Variants in PDIA6 observed in about 807,000 individuals in gnomAD.
PDIA6 encodes the protein protein disulfide-isomerase A6.
PDIA6 carries 29 observed loss-of-function variants against 58.4 expected under a neutral mutation model. The observed-to-expected ratio is 0.50, with a 90% confidence interval of 0.37 to 0.68. PDIA6 has a LOEUF of 0.68. PDIA6 is among the 30% of genes least tolerant of loss of function. The pLI is 0.00. For synonymous variants in PDIA6, 192 were observed against 202.6 expected, an observed-to-expected ratio of 0.95 and a Z score of 0.44; for missense variants, 480 against 551.0, an observed-to-expected ratio of 0.87 and a Z score of 1.29.
intron 10 of PDIA6, among the ~76,000 whole-genome samples, 159 bp downstream of exon 10, chr2:10,788,538 C>T (rs1665884806): frequency 1.3e-5 from 2 of 150,356 alleles, no homozygotes; most frequent in South Asian, 2.1e-4. Context: ...CGCCTATAAT[C>T]CCAGCTACTT....
rs142782761 is a variant in PDIA6 at position 10,806,628 on chromosome 2, C to CAAAGAAAGAAAGAAA, written c.20-3989_20-3988insTTTCTTTCTTTCTTT. On this transcript the variant is annotated intron_variant, in intron 1 of 12. Coordinates refer to ENST00000272227, the MANE Select transcript of PDIA6 (RefSeq NM_005742.4). ...AACCACATCTCCTAAAAAATAAAGA[C>CAAAGAAAGAAAGAAA]AGAAAGAAAGAAAGAAAGAAAAACG... is the stretch of plus-strand genomic sequence containing the variant. Among the ~76,000 whole-genome samples the CAAAGAAAGAAAGAAA allele has an allele frequency of 7.7e-4, 54 of 70,364 alleles. 2 individuals carry two copies. The highest frequency in any genetic ancestry group is 2.1e-3 in the South Asian group (4 of 1,910). The allele number at this position is 70,364 out of a possible 152,430, so 46.2% of individuals were successfully genotyped here. A position where few individuals can be genotyped will look rare whatever the true frequency, so the allele number is the denominator to read the frequency against.
chr2:10,806,120 C>A (rs1017308056), intron 1 of PDIA6, among the ~76,000 whole-genome samples: 1 of 150,498 alleles, frequency 6.6e-6, no homozygotes, highest in African/African-American at 2.4e-5. Flanking sequence ...GTAATCCCAG[C>A]ACTTTGGGAG....
chr2:10,819,743 A>G (rs1667326223), intron 1 of PDIA6, among the ~76,000 whole-genome samples: 1 of 152,122 alleles, frequency 6.6e-6, no homozygotes, highest in African/African-American at 2.4e-5. Flanking sequence ...TAATTCCTTT[A>G]TACACAGTTG....
chr2:10,811,038 T>C (rs1474050067), intron 1 of PDIA6, among the ~76,000 whole-genome samples: 1 of 151,938 alleles, frequency 6.6e-6, no homozygotes, highest in African/African-American at 2.4e-5. Flanking sequence ...CTAGGAGGAG[T>C]CTACAGTCCC....
intron 4 of PDIA6, among the ~76,000 whole-genome samples, chr2:10,793,640 A>C (rs1323089700): frequency 6.6e-6 from 1 of 152,234 alleles, no homozygotes; most frequent in Non-Finnish European, 1.5e-5. Flanking sequence ...CTGGGATCAC[A>C]AGTGTGAGCC....
chr2:10,819,428 A>G, intron 1 of PDIA6: 1 of 873,238 alleles, frequency 1.1e-6, no homozygotes, highest in South Asian at 1.5e-5. Flanking sequence ...ACCATATGCC[A>G]GGCTCCACGT....
chr2:10,829,945 T>C (rs992116141), intron 1 of PDIA6, among the ~76,000 whole-genome samples: 2 of 152,214 alleles, frequency 1.3e-5, no homozygotes, highest in Non-Finnish European at 2.9e-5. Flanking sequence ...TTGTCCTCTG[T>C]GCTCCCGCCA....
intron 2 of PDIA6, among the ~76,000 whole-genome samples, chr2:10,801,799 T>C (rs921521244): frequency 3.9e-5 from 6 of 152,226 alleles, no homozygotes; most frequent in Non-Finnish European, 7.3e-5. Flanking sequence ...TACCCTAAAA[T>C]GTACCCATCA....
In PDIA6 at chr2:10,790,830, T is replaced by C. The variant is rs1276632424; in HGVS notation, c.588A>G (p.Leu196=). ...YAPWCGHCKN[L]EPEWAAAASE... is the part of the protein sequence containing the mutation. ...AAGCTGCGGCAGCCCACTCTGGCTCTAGGCTATAGAAAAATATTCGTTTTG... is the reference window on the plus strand; with the variant it reads ...AAGCTGCGGCAGCCCACTCTGGCTCCAGGCTATAGAAAAATATTCGTTTTG... Residue 196 remains leucine, a synonymous_variant, in exon 7 of 13, where the codon CTA becomes CTG. Transcript: ENST00000272227. 1 of 1,610,878 alleles carries C rather than the reference T, an allele frequency of 6.2e-7. No homozygotes were observed. Among genetic ancestry groups the C allele is most frequent in the East Asian group, 2.2e-5 (1 of 44,872 alleles).
rs139380043 is a variant in PDIA6 at position 10,787,483 on chromosome 2, T to C, written c.999-44A>G. 83 of 1,558,714 alleles carry C rather than the reference T, an allele frequency of 5.3e-5. No homozygotes were observed. In the African/African-American group the frequency reaches 1.1e-3, roughly 20 times the overall value. On this transcript the variant is annotated intron_variant, in intron 10 of 12. Coordinates refer to ENST00000272227, the MANE Select transcript of PDIA6 (RefSeq NM_005742.4). ...TTTTAGGGCAAATATGTCTTTTAAA[T>C]TGCTTACGATCTAACTAGAAGATCT...
Position 10,793,220 on chromosome 2 carries a change from T to TAAGC in PDIA6, c.347-19_347-18insGCTT. ...TCTGCCACCTACAGGAGACGGAAGG[T>TAAGC]AGGCGGTCCTCAGCCCGGCCTTCAG... is the stretch of plus-strand genomic sequence containing the variant. On this transcript the variant is annotated intron_variant, in intron 4 of 12. Transcript: ENST00000272227. 6.3e-7 allele frequency: 1 copy of TAAGC among 1,575,830 alleles called. No homozygotes were observed. The highest frequency in any genetic ancestry group is 8.7e-7 in the Non-Finnish European group (1 of 1,145,624).
chr2:10,788,607 A>C, intron 10 of PDIA6, 90 bp downstream of exon 10: 1 of 867,316 alleles, frequency 1.2e-6, no homozygotes, highest in Non-Finnish European at 1.9e-6. Context: ...AACATAGAAC[A>C]CAGCTTACAA....
intron 4 of PDIA6, among the ~76,000 whole-genome samples, chr2:10,794,402 C>T (rs550312614): frequency 5.4e-5 from 8 of 148,980 alleles, no homozygotes; most frequent in South Asian, 2.1e-4. Flanking sequence ...GCTGACATCG[C>T]GCCACTGCAC....
chr2:10,816,802 T>C (rs894153172), upstream of PDIA6, among the ~76,000 whole-genome samples: 1 of 152,182 alleles, frequency 6.6e-6, no homozygotes, highest in Non-Finnish European at 1.5e-5. Context: ...TCAGAGGACA[T>C]GAATTCAACA....
chr2:10,802,464 C>T, intron 2 of PDIA6, 35 bp downstream of exon 2: 2 of 1,242,452 alleles, frequency 1.6e-6, no homozygotes, highest in Non-Finnish European at 2.1e-6. Context: ...TCAGAAAGTA[C>T]TATAAATAAT....
At chr2:10,791,176 T>C (rs56093996) in intron 6 of PDIA6, among the ~76,000 whole-genome samples, 22,360 of 151,776 alleles carry the variant, frequency 0.15, 2,009 homozygotes, top group Non-Finnish European at 0.21. Flanking sequence ...CAGAGTCTCC[T>C]TCTATTATCC....
intron 1 of PDIA6, among the ~76,000 whole-genome samples, chr2:10,824,915 T>C (rs1197835331): frequency 6.6e-6 from 1 of 152,356 alleles, no homozygotes; most frequent in East Asian, 1.9e-4. Context: ...GTATTGATCC[T>C]GGGTGTGTCT....
In PDIA6 at chr2:10,802,689, G is replaced by C. The variant is rs7568523; in HGVS notation, c.20-49C>G. 3.5e-3 allele frequency: 4,665 copies of C among 1,334,576 alleles called. 151 individuals carry two copies. The African/African-American group carries it at 0.063, about 18-fold the overall frequency. The allele number at this position is 1,334,576 out of a possible 1,614,324, so 82.7% of individuals were successfully genotyped here. A position where few individuals can be genotyped will look rare whatever the true frequency, so the allele number is the denominator to read the frequency against. ...CCATTAACAGCACTGTTCATGCTTT[G>C]ACTGGAAACCCTGGGGAACCAGAGT... On this transcript the variant is annotated intron_variant, in intron 1 of 12. Coordinates refer to ENST00000272227, the MANE Select transcript of PDIA6 (RefSeq NM_005742.4).
chr2:10,822,297 G>A (rs953358589), intron 1 of PDIA6, among the ~76,000 whole-genome samples: 8 of 145,168 alleles, frequency 5.5e-5, no homozygotes, highest in African/African-American at 2.1e-4. Flanking sequence ...GAGTCTCGCT[G>A]TGTTGCCCAG....
Sources: allele counts gnomAD v4.1 joint callset (sites outside exome capture counted in the v4.1 genomes callset), GRCh38; gene constraint gnomAD v4.1.1; transcripts MANE v1.5; gene names NCBI Gene and HGNC (gene_info 2026-07-23, HGNC 2026-07-21).